PRXL2A: variants seen among roughly 807,000 people sequenced by gnomAD.
PRXL2A encodes peroxiredoxin-like 2A.
In PRXL2A, 26 loss-of-function variants were observed where a neutral mutation model predicts 25.6. The ratio of observed to expected loss-of-function variants is 1.02; its 90% CI spans 0.74 to 1.41. PRXL2A has a LOEUF of 1.41. PRXL2A is among the 40% of genes most tolerant of loss of function. PRXL2A has a pLI of 0.00. For synonymous variants in PRXL2A, 98 were observed against 102.9 expected, an observed-to-expected ratio of 0.95 and a Z score of 0.29; for missense variants, 246 against 273.9, an observed-to-expected ratio of 0.90 and a Z score of 0.72.
intron 5 of PRXL2A, among the ~76,000 whole-genome samples, chr10:80,429,200 A>G (rs1264353343): frequency 1.3e-5 from 2 of 152,170 alleles, no homozygotes; most frequent in Non-Finnish European, 2.9e-5. Context: ...ACAGCTTGGT[A>G]ACTGATTCGC....
At position 80,422,058 on chromosome 10, in the gene PRXL2A, A is replaced by G. The variant is rs536636261; in HGVS notation, c.179-359A>G. On this transcript the variant is annotated intron_variant, in intron 2 of 5. Coordinates refer to ENST00000606162, the MANE Select transcript of PRXL2A (RefSeq NM_032333.5). ...ATTTGAGACTTTTTCAGTTTGGGCC[A>G]TGTTTCTGTTCTGAAGGATTATTAT... 5.9e-5 allele frequency among the ~76,000 whole-genome samples: 9 copies of G among 152,294 alleles called. No homozygotes were observed. In the South Asian group the frequency reaches 1.0e-3, roughly 18 times the overall value.
chr10:80,415,398 C>T (rs1844625836), intron 1 of PRXL2A, among the ~76,000 whole-genome samples: 1 of 152,208 alleles, frequency 6.6e-6, no homozygotes, highest in South Asian at 2.1e-4. Flanking sequence ...GGTTTGAGTT[C>T]TCAGGGTTCC....
intron 3 of PRXL2A, among the ~76,000 whole-genome samples, chr10:80,424,838 G>A (rs1490597049): frequency 6.6e-6 from 1 of 152,192 alleles, no homozygotes; most frequent in Non-Finnish European, 1.5e-5. Flanking sequence ...TCCAGCATGG[G>A]CGAGTAGCGT....
At chr10:80,424,405 C>CAAAAAA (rs33941883) in intron 3 of PRXL2A, among the ~76,000 whole-genome samples, 2 of 75,072 alleles carry the variant, frequency 2.7e-5, no homozygotes, top group Non-Finnish European at 2.4e-5. Flanking sequence ...CCTGTCTCTA[C>CAAAAAA]AAAAAAAAAA....
intron 3 of PRXL2A, 88 bp from the exon 4 acceptor site, chr10:80,425,778 G>A: frequency 6.5e-7 from 1 of 1,533,264 alleles, no homozygotes; most frequent in Admixed American, 1.8e-5. Context: ...AAGACAAGGA[G>A]CCTGGGCTGC....
intron 1 of PRXL2A, among the ~76,000 whole-genome samples, chr10:80,413,352 G>A (rs1238188526): frequency 1.3e-5 from 2 of 152,136 alleles, no homozygotes; most frequent in Non-Finnish European, 2.9e-5. Flanking sequence ...CCACCGATGT[G>A]GCAGAAAAGG....
At chr10:80,412,057 A>G (rs554631648) in intron 1 of PRXL2A, among the ~76,000 whole-genome samples, 1 of 152,258 alleles carries the variant, frequency 6.6e-6, no homozygotes, top group African/African-American at 2.4e-5. Flanking sequence ...GAATGTGCAC[A>G]CCCAGCAGAA....
Position 80,435,971 on chromosome 10 carries a change from C to A in PRXL2A, c.*3872C>A, listed in dbSNP as rs577946361. The A allele has an allele frequency of 4.6e-5, 7 of 151,996 alleles. No individual in the cohort carries two copies. The East Asian group carries it at 1.2e-3, about 25-fold the overall frequency. 9.4% of individuals were successfully genotyped at this position (151,996 alleles called of 1,614,324 possible). A position where few individuals can be genotyped will look rare whatever the true frequency, so the allele number is the denominator to read the frequency against. On this transcript the variant is annotated 3_prime_UTR_variant, in exon 6 of 6. Transcript: ENST00000606162. ...ACATGCAAAGAAATGCAAGAAAATT[C>A]AAAGAACGTAAGAAAATGTCCTTGC... is the stretch of plus-strand genomic sequence containing the variant.
intron 3 of PRXL2A, 51 bp downstream of exon 3, chr10:80,422,559 G>T: frequency 6.8e-7 from 1 of 1,476,394 alleles, no homozygotes; most frequent in Non-Finnish European, 9.4e-7. Flanking sequence ...GCAAGTAGGG[G>T]CCATTGTTTT....
Position 80,422,411 on chromosome 10 carries a change from T to C in PRXL2A, c.179-6T>C. 6.2e-7 allele frequency: 1 copy of C among 1,612,604 alleles called. No homozygotes were observed. Among genetic ancestry groups the C allele is most frequent in the Non-Finnish European group, 8.5e-7 (1 of 1,178,680 alleles). ...AGATATCGAATTTCTTTTTTTCCTC[T>C]CTTAGAACCAAGGACTTTCAAAGCA... On this transcript the variant is annotated splice_region_variant and splice_polypyrimidine_tract_variant and intron_variant, in intron 2 of 5. Coordinates refer to ENST00000606162, the MANE Select transcript of PRXL2A (RefSeq NM_032333.5).
intron 1 of PRXL2A, among the ~76,000 whole-genome samples, chr10:80,417,689 A>G (rs1225472199): frequency 6.7e-6 from 1 of 150,190 alleles, no homozygotes; most frequent in African/African-American, 2.5e-5. Context: ...TCTTTCTTAG[A>G]TGTTGTTTTT....
chr10:80,410,078 G>A (rs1000516217), intron 1 of PRXL2A, among the ~76,000 whole-genome samples: 1 of 152,248 alleles, frequency 6.6e-6, no homozygotes, highest in Non-Finnish European at 1.5e-5. Flanking sequence ...ATGGTGCTCA[G>A]AAAGTTTGGA....
chr10:80,428,294 C>T (rs149788927), intron 5 of PRXL2A, among the ~76,000 whole-genome samples: 2 of 152,312 alleles, frequency 1.3e-5, no homozygotes, highest in Non-Finnish European at 2.9e-5. Context: ...AGCCTTGAGC[C>T]ATGGTGGTTC....
Position 80,432,326 on chromosome 10 carries a change from C to A in PRXL2A, c.*227C>A. ...ACTAATGAGGATTATTAAGCTAAAA[C>A]CTGGGAAATAGGAGGCTTAAAATTG... On this transcript the variant is annotated 3_prime_UTR_variant, in exon 6 of 6. Coordinates refer to ENST00000606162, the MANE Select transcript of PRXL2A (RefSeq NM_032333.5). The A allele has an allele frequency of 2.2e-6, 1 of 460,548 alleles. No individual in the cohort carries two copies. The highest frequency in any genetic ancestry group is 3.8e-6 in the Non-Finnish European group (1 of 265,308). 28.5% of individuals were successfully genotyped at this position (460,548 alleles called of 1,614,324 possible).
intron 1 of PRXL2A, among the ~76,000 whole-genome samples, chr10:80,416,462 A>AG (rs1844664318): frequency 6.6e-6 from 1 of 152,166 alleles, no homozygotes; most frequent in African/African-American, 2.4e-5. Flanking sequence ...AGAACTGAGG[A>AG]GGGGGTGAAT....
At chr10:80,429,523 C>G (rs951895903) in intron 5 of PRXL2A, among the ~76,000 whole-genome samples, 1 of 150,628 alleles carries the variant, frequency 6.6e-6, no homozygotes, top group Non-Finnish European at 1.5e-5. Context: ...AGACCCTTCC[C>G]GGCCCGGCCC....
At chr10:80,423,839 A>G (rs186967304) in intron 3 of PRXL2A, among the ~76,000 whole-genome samples, 3 of 152,366 alleles carry the variant, frequency 2.0e-5, no homozygotes, top group Admixed American at 2.0e-4. Flanking sequence ...TTGTAGTTCT[A>G]GAGGTCAGAA....
intron 1 of PRXL2A, among the ~76,000 whole-genome samples, chr10:80,409,236 T>A (rs550995734): frequency 1.3e-5 from 2 of 152,328 alleles, no homozygotes; most frequent in Non-Finnish European, 2.9e-5. Flanking sequence ...AGTTGTAAAC[T>A]TAACAGCCCT....
rs556817337 is a variant in PRXL2A, at chr10:80,421,378, G to A, written c.178+733G>A. 5.3e-5 allele frequency among the ~76,000 whole-genome samples: 8 copies of A among 152,362 alleles called. No homozygotes were observed. In the South Asian group the frequency reaches 8.3e-4, roughly 16 times the overall value. On this transcript the variant is annotated intron_variant, in intron 2 of 5. Transcript: ENST00000606162. ...AGAGCTGTAGCTTGGTGGGATTTCA[G>A]TCATGCCAGTGGTGTGGCAAGAGAG...
Sources: gnomAD v4.1 joint callset for allele counts (sites outside exome capture counted in the v4.1 genomes callset) on GRCh38, gnomAD v4.1.1 for gene constraint, MANE v1.5 for transcripts, NCBI Gene and HGNC (gene_info 2026-07-23, HGNC 2026-07-21) for gene names.